Variants in CTNNAL1 observed in about 807,000 individuals in gnomAD.
CTNNAL1 encodes the protein catenin alpha like 1.
In CTNNAL1, 69 loss-of-function variants were observed where a neutral mutation model predicts 93.6. The ratio of observed to expected loss-of-function variants is 0.74; its 90% confidence interval spans 0.61 to 0.90. CTNNAL1 has a LOEUF of 0.90. CTNNAL1 is among the 40% of genes least tolerant of loss of function. CTNNAL1 has a pLI of 0.00. For synonymous variants in CTNNAL1, 286 were observed against 305.4 expected (o/e 0.94, Z 0.66); for missense variants, 836 against 862.0 (o/e 0.97, Z 0.38).
Position 108,952,283 on chromosome 9 carries a change from T to C in CTNNAL1, c.1761A>G (p.Glu587=). ...SDADCEIEKW[E]DQENEIVQYG... is the part of the protein sequence containing the mutation. ...ATTGAACAATCTCATTCTCCTGATC[T>C]TCCCACTTCTCAATTTCGCAGTCAG... Residue 587 remains glutamate, a synonymous_variant, in exon 14 of 19, where the codon GAA becomes GAG. Transcript: ENST00000325551. The C allele has an allele frequency of 1.2e-6, 2 of 1,614,206 alleles. No homozygotes were observed. The highest frequency in any genetic ancestry group is 1.7e-6 in the Non-Finnish European group (2 of 1,180,026).
chr9:108,989,245 A>G (rs1564142098), intron 4 of CTNNAL1, among the ~76,000 whole-genome samples: 1 of 152,218 alleles, frequency 6.6e-6, no homozygotes, highest in Non-Finnish European at 1.5e-5. Context: ...TTTAGAACCT[A>G]TGACTCATGC....
At chr9:108,984,547 T>TTA (rs1831542010) in intron 4 of CTNNAL1, 111 bp from the exon 5 acceptor site, 6 of 435,074 alleles carry the variant, frequency 1.4e-5, no homozygotes, top group African/African-American at 2.5e-5. Flanking sequence ...CATTGTTAAG[T>TTA]GAAAAAAAAA....
chr9:108,997,499 T>C (rs1475698183), intron 2 of CTNNAL1, among the ~76,000 whole-genome samples: 3 of 152,244 alleles, frequency 2.0e-5, no homozygotes, highest in Non-Finnish European at 4.4e-5. Flanking sequence ...ATGTCTTTCA[T>C]CTGGCTCAAA....
At chr9:108,967,195 A>C (rs1017563291) in intron 10 of CTNNAL1, among the ~76,000 whole-genome samples, 6 of 152,224 alleles carry the variant, frequency 3.9e-5, no homozygotes, top group Admixed American at 2.0e-4. Flanking sequence ...GTGATAAAAA[A>C]AGAAGATAAA....
intron 12 of CTNNAL1, among the ~76,000 whole-genome samples, chr9:108,953,785 AAAT>A (rs1329101168): frequency 6.6e-6 from 1 of 151,704 alleles, no homozygotes; most frequent in Non-Finnish European, 1.5e-5. Flanking sequence ...CAGAAAATAA[AAAT>A]AAAGGAACTC....
In CTNNAL1 at chr9:108,984,341, T is replaced by C. The variant is rs753921704; in HGVS notation, c.729+6A>G. On this transcript the variant is annotated splice_donor_region_variant and intron_variant, in intron 5 of 18. Transcript: ENST00000325551. Reference sequence around the variant, plus strand: ...TTATTACACAGTAAAACCAAAATTGTCTTACCTTTGAAGCTGTGAGAAGCA... The same window carrying C: ...TTATTACACAGTAAAACCAAAATTGCCTTACCTTTGAAGCTGTGAGAAGCA... 1 of 1,563,478 alleles carries C rather than the reference T, an allele frequency of 6.4e-7. No individual in the cohort carries two copies. The highest frequency in any genetic ancestry group is 8.8e-7 in the Non-Finnish European group (1 of 1,136,956).
chr9:108,989,789 C>T (rs1452150477), intron 4 of CTNNAL1, among the ~76,000 whole-genome samples: 1 of 152,208 alleles, frequency 6.6e-6, no homozygotes, highest in African/African-American at 2.4e-5. Context: ...GTGATTCACG[C>T]CTGTAATCCC....
chr9:108,975,972 T>C (rs1381495059), intron 8 of CTNNAL1, among the ~76,000 whole-genome samples: 1 of 152,204 alleles, frequency 6.6e-6, no homozygotes, highest in Non-Finnish European at 1.5e-5. Flanking sequence ...GGAAACCCTC[T>C]CAACCAAAGG....
intron 1 of CTNNAL1, among the ~76,000 whole-genome samples, chr9:109,001,172 C>CAAAAA (rs757020475): frequency 2.1e-4 from 12 of 56,748 alleles, no homozygotes; most frequent in Admixed American, 6.5e-4. Context: ...ACTCCATCTC[C>CAAAAA]AAAAAAAAAA....
At chr9:108,998,922 G>A (rs4978380) in intron 2 of CTNNAL1, 145 bp downstream of exon 2, 70,011 of 930,922 alleles carry the variant, frequency 0.075, 3,127 homozygotes, top group Admixed American at 0.15. Flanking sequence ...TGCAGTATTC[G>A]CGGAAGCTAA....
At chr9:108,997,408 A>G (rs1054537934) in intron 2 of CTNNAL1, among the ~76,000 whole-genome samples, 1 of 152,208 alleles carries the variant, frequency 6.6e-6, no homozygotes, top group African/African-American at 2.4e-5. Context: ...CACCATCAGA[A>G]AGACTTCTAT....
chr9:109,003,764 T>C (rs1482500956), intron 1 of CTNNAL1, among the ~76,000 whole-genome samples: 31 of 152,230 alleles, frequency 2.0e-4, no homozygotes, highest in Admixed American at 6.5e-5. Flanking sequence ...TCCTGGATCA[T>C]ATTTGTAATA....
chr9:108,976,940 C>T (rs1340421104), intron 8 of CTNNAL1, 22 bp downstream of exon 8: 4 of 1,061,442 alleles, frequency 3.8e-6, no homozygotes, highest in Admixed American at 3.2e-5. Flanking sequence ...TTAGAAGAGG[C>T]TAAATTTCAA....
intron 11 of CTNNAL1, among the ~76,000 whole-genome samples, chr9:108,965,171 T>C (rs1830920654): frequency 6.6e-6 from 1 of 152,152 alleles, no homozygotes; most frequent in Admixed American, 6.5e-5. Context: ...TACTACACTG[T>C]TGTACAACAA....
intron 14 of CTNNAL1, 52 bp from the exon 15 acceptor site, chr9:108,948,286 T>C (rs748825271): frequency 1.3e-6 from 2 of 1,549,864 alleles, no homozygotes; most frequent in Non-Finnish European, 1.8e-6. Context: ...TACCTGAAAA[T>C]TGACTTTATA....
intron 11 of CTNNAL1, among the ~76,000 whole-genome samples, chr9:108,959,037 G>A (rs1264269863): frequency 6.6e-6 from 1 of 151,932 alleles, no homozygotes; most frequent in African/African-American, 2.4e-5. Context: ...GCCAATGCGG[G>A]AGGGTTACTT....
chr9:108,990,513 G>A (rs1402509811), intron 4 of CTNNAL1, among the ~76,000 whole-genome samples: 2 of 152,188 alleles, frequency 1.3e-5, no homozygotes, highest in African/African-American at 4.8e-5. Context: ...CCCAGTGTGT[G>A]AGGTGGGAAC....
At chr9:108,987,484 T>C (rs1365555109) in intron 4 of CTNNAL1, among the ~76,000 whole-genome samples, 1 of 152,136 alleles carries the variant, frequency 6.6e-6, no homozygotes, top group East Asian at 1.9e-4. Context: ...CTTTGTTCTT[T>C]TGGCTTAGGA....
At chr9:108,991,318 G>A (rs28361114) in intron 3 of CTNNAL1, among the ~76,000 whole-genome samples, 4 of 152,068 alleles carry the variant, frequency 2.6e-5, no homozygotes, top group Non-Finnish European at 5.9e-5. Flanking sequence ...GTATAGAGTC[G>A]AAAGGGAAGT....
Sources: allele counts gnomAD v4.1 joint callset (sites outside exome capture counted in the v4.1 genomes callset), GRCh38; gene constraint gnomAD v4.1.1; transcripts MANE v1.5; gene names NCBI Gene and HGNC (gene_info 2026-07-23, HGNC 2026-07-21).